TRA2A: variants seen among roughly 807,000 people sequenced by gnomAD.
TRA2A encodes transformer-2 protein homolog alpha.
TRA2A carries 31 observed loss-of-function variants against 45.7 expected under a neutral mutation model. The ratio of observed to expected loss-of-function variants is 0.68; its 90% CI spans 0.51 to 0.92. TRA2A has a LOEUF of 0.92. Among genes scored for constraint, TRA2A ranks in the 40% least tolerant of loss-of-function variants. TRA2A has a pLI of 0.00. For missense variants in TRA2A, 304 were observed against 367.5 expected (o/e 0.83, Z 1.41); for synonymous variants, 132 against 126.2 (o/e 1.05, Z -0.31).
chr7:23,511,740 AC>A (rs1475642621), intron 4 of TRA2A, among the ~76,000 whole-genome samples: 5 of 152,142 alleles, frequency 3.3e-5, no homozygotes, highest in African/African-American at 1.2e-4. Flanking sequence ...AAGCAAGCCT[AC>A]CACTTCCTTT....
chr7:23,510,781 A>G (rs535605726), intron 4 of TRA2A, among the ~76,000 whole-genome samples: 33 of 152,356 alleles, frequency 2.2e-4, no homozygotes, highest in Non-Finnish European at 3.7e-4. Flanking sequence ...TAGTATTTCT[A>G]AATTGATAAC....
chr7:23,509,232 AATTCTCTAAGTTGATCTCCCTGCACCCC>A (rs1789483128), intron 4 of TRA2A, among the ~76,000 whole-genome samples: 1 of 152,090 alleles, frequency 6.6e-6, no homozygotes, highest in Non-Finnish European at 1.5e-5. Flanking sequence ...CAAAAATCAA[AATTCTCTAAGTTGATCTCCCTGCACCCC>A]ATCCTAAGCA....
At chr7:23,527,867 T>G (rs963614663) in intron 1 of TRA2A, among the ~76,000 whole-genome samples, 1 of 152,208 alleles carries the variant, frequency 6.6e-6, no homozygotes, top group South Asian at 2.1e-4. Flanking sequence ...ATCAACATCC[T>G]TCAGTGAAAG....
At chr7:23,524,447 G>A (rs575006760) in intron 1 of TRA2A, among the ~76,000 whole-genome samples, 1 of 152,232 alleles carries the variant, frequency 6.6e-6, no homozygotes, top group African/African-American at 2.4e-5. Flanking sequence ...GCCTCCCAAA[G>A]TGCTGGGATT....
intron 1 of TRA2A, among the ~76,000 whole-genome samples, chr7:23,527,924 A>C (rs1160329727): frequency 6.6e-6 from 1 of 152,180 alleles, no homozygotes; most frequent in African/African-American, 2.4e-5. Context: ...TTAAGTTTAC[A>C]AATTCTTTGC....
At chr7:23,521,537 C>T (rs985725293) in intron 2 of TRA2A, among the ~76,000 whole-genome samples, 170 bp downstream of exon 2, 1 of 152,176 alleles carries the variant, frequency 6.6e-6, no homozygotes, top group Non-Finnish European at 1.5e-5. Context: ...GGGCTCAAGC[C>T]ATACTTCCAA....
chr7:23,514,273 G>A (rs916099482), intron 3 of TRA2A, among the ~76,000 whole-genome samples: 3 of 151,814 alleles, frequency 2.0e-5, no homozygotes. Flanking sequence ...TCTCCATGTT[G>A]GTCAGCCTGG....
intron 5 of TRA2A, among the ~76,000 whole-genome samples, chr7:23,506,881 T>C (rs918660625): frequency 6.6e-6 from 1 of 152,186 alleles, no homozygotes; most frequent in African/African-American, 2.4e-5. Context: ...GTTCATGCCA[T>C]TCTCCTGCCT....
chr7:23,507,031 G>A (rs570060548), intron 5 of TRA2A: 1 of 163,000 alleles, frequency 6.1e-6, no homozygotes, highest in Admixed American at 6.0e-5. Context: ...CCAAAGTGCT[G>A]GGATTACAGG....
chr7:23,506,463 C>G (rs1325033087), intron 5 of TRA2A, 197 bp from the exon 6 acceptor site: 16 of 511,140 alleles, frequency 3.1e-5, no homozygotes, highest in Non-Finnish European at 5.2e-5. Context: ...TCAAGAAGGG[C>G]TTCACAAAAC....
chr7:23,512,773 TAA>T (rs201252500), intron 4 of TRA2A, 119 bp downstream of exon 4: 5,443 of 687,786 alleles, frequency 7.9e-3, no homozygotes, highest in South Asian at 0.013. Context: ...ATCCTATCTT[TAA>T]AAAAAAAAAA....
chr7:23,524,162 A>G (rs997545920), intron 1 of TRA2A, among the ~76,000 whole-genome samples: 1 of 152,166 alleles, frequency 6.6e-6, no homozygotes, highest in South Asian at 2.1e-4. Context: ...ATGGTATGAT[A>G]GAATGTCTTT....
chr7:23,515,589 A>G (rs1789829387), intron 3 of TRA2A, among the ~76,000 whole-genome samples: 1 of 147,966 alleles, frequency 6.8e-6, no homozygotes, highest in African/African-American at 2.5e-5. Context: ...CTCCCAGGCC[A>G]GTCTGGAATG....
At chr7:23,530,337 C>T (rs1790519344) in intron 1 of TRA2A, among the ~76,000 whole-genome samples, 1 of 152,048 alleles carries the variant, frequency 6.6e-6, no homozygotes, top group Non-Finnish European at 1.5e-5. Context: ...TTTAGTCTAC[C>T]GGGTAACTAT....
rs1789323644 is a variant in TRA2A at position 23,506,122 on chromosome 7, C to T, written c.770+16G>A. 1 of 1,591,214 alleles carries T rather than the reference C, an allele frequency of 6.3e-7. No homozygotes were observed. On this transcript the variant is annotated intron_variant, in intron 6 of 7. Coordinates refer to ENST00000297071, the MANE Select transcript of TRA2A (RefSeq NM_013293.5). ...ATCATCTAATTTAGAACAGAAAGCT[C>T]AAGTTAAAACATTACCTGTATCGGT...
Position 23,523,142 on chromosome 7 carries a change from T to G in TRA2A, c.37-1302A>C, listed in dbSNP as rs142991982. On this transcript the variant is annotated intron_variant, in intron 1 of 7. Coordinates refer to ENST00000297071, the MANE Select transcript of TRA2A (RefSeq NM_013293.5). ...CTCTATTATCCACGACATACCACAA[T>G]GTGCAAGAAGGTACAAAATTTATAT... 5.2e-3 allele frequency among the ~76,000 whole-genome samples: 793 copies of G among 152,300 alleles called. 3 individuals are homozygous for G. Among genetic ancestry groups the G allele is most frequent in the African/African-American group, 0.018 (750 of 41,564 alleles).
intron 3 of TRA2A, among the ~76,000 whole-genome samples, chr7:23,515,401 T>G (rs559309764): frequency 2.0e-4 from 30 of 151,928 alleles, no homozygotes; most frequent in African/African-American, 7.2e-4. Context: ...AGCTAATTTT[T>G]TGTATTTTTA....
rs563101114 is a variant in TRA2A, at chr7:23,517,657, T to C, written c.171-1129A>G. 2.2e-4 allele frequency among the ~76,000 whole-genome samples: 33 copies of C among 150,150 alleles called. 1 individual carries two copies. The highest frequency in any genetic ancestry group is 2.2e-3 in the Admixed American group (33 of 15,110). ...GGCTGGGCGCAGTGGCTCATGCCTG[T>C]AATCCCAGTACTTTGGGAGGCCGAG... On this transcript the variant is annotated intron_variant, in intron 2 of 7. Transcript: ENST00000297071.
Position 23,524,374 on chromosome 7 carries a change from G to T in TRA2A, c.37-2534C>A, listed in dbSNP as rs1344631318. ...AATTTTTGTATTTTTAATAGAGATG[G>T]GGTTTTCCCATGTTGGCCAGGCTGG... On this transcript the variant is annotated intron_variant, in intron 1 of 7. Coordinates refer to ENST00000297071, the MANE Select transcript of TRA2A (RefSeq NM_013293.5). Among the ~76,000 whole-genome samples, 5 of 152,024 alleles carry T rather than the reference G, an allele frequency of 3.3e-5. No homozygotes were observed. In the South Asian group the frequency reaches 6.2e-4, roughly 19 times the overall value.
Sources: gnomAD v4.1 joint callset for allele counts (sites outside exome capture counted in the v4.1 genomes callset) on GRCh38, gnomAD v4.1.1 for gene constraint, MANE v1.5 for transcripts, NCBI Gene and HGNC (gene_info 2026-07-23, HGNC 2026-07-21) for gene names.